The following SLF2 variants were observed in gnomAD, a reference collection of about 807,000 sequenced individuals.
The protein encoded by SLF2 is SMC5-SMC6 complex localization factor protein 2.
A neutral mutation model predicts 124.3 loss-of-function variants in SLF2; 68 were observed. The ratio of observed to expected loss-of-function variants is 0.55; its 90% CI spans 0.45 to 0.67. The LOEUF (loss-of-function observed/expected upper bound fraction) is 0.67. Among genes scored for constraint, SLF2 ranks in the 30% least tolerant of loss-of-function variants. The pLI is 0.00. For synonymous variants in SLF2, 480 were observed against 478.8 expected (o/e 1.00, Z -0.03); for missense variants, 1,246 against 1,373.7 (o/e 0.91, Z 1.47).
At chr10:100,946,395 T>C (rs1850104202) in intron 13 of SLF2, among the ~76,000 whole-genome samples, 2 of 151,564 alleles carry the variant, frequency 1.3e-5, no homozygotes, top group Non-Finnish European at 2.9e-5. Context: ...GGCGCAGTCT[T>C]GTCTCAGTGC....
Position 100,916,469 on chromosome 10 carries a change from CATT to C in SLF2, c.185-99_185-97del, listed in dbSNP as rs1288661790. 1.9e-5 allele frequency: 19 copies of C among 1,014,504 alleles called. No individual in the cohort carries two copies. The South Asian group carries it at 3.0e-4, about 16-fold the overall frequency. 62.8% of individuals were successfully genotyped at this position (1,014,504 alleles called of 1,614,324 possible). ...GTTGGTTTGAAAATTTTTGTGGTAA[CATT>C]AGTATAGTTTAATTTATATTTTAAA... On this transcript the variant is annotated intron_variant, in intron 2 of 19. Transcript: ENST00000238961.
At position 100,932,227 on chromosome 10, in the gene SLF2, C is replaced by T. The variant is rs1158399481; in HGVS notation, c.2436+1149C>T. On this transcript the variant is annotated intron_variant, in intron 9 of 19. Transcript: ENST00000238961. ...CTTGAGACCAGGAGTTTGAGATCAGCCTGGGCAACATAGCAAGACCACATC... is the reference window on the plus strand; with the variant it reads ...CTTGAGACCAGGAGTTTGAGATCAGTCTGGGCAACATAGCAAGACCACATC... Among the ~76,000 whole-genome samples, 4 of 151,532 alleles carry T rather than the reference C, an allele frequency of 2.6e-5. No individual in the cohort carries two copies. The East Asian group carries it at 5.8e-4, about 22-fold the overall frequency.
chr10:100,928,120 AATG>A lies in SLF2; in HGVS notation c.2043-1194_2043-1192del, dbSNP rs150576919. ...GAGAGAGAGAAAAGTTGAGGATCAT[AATG>A]ATCTTAATGAAATTTATGTGACTAA... On this transcript the variant is annotated intron_variant, in intron 6 of 19. Transcript: ENST00000238961. Among the ~76,000 whole-genome samples, 1,029 of 145,196 alleles carry A rather than the reference AATG, an allele frequency of 7.1e-3. 15 individuals are homozygous for A. Among genetic ancestry groups the A allele is most frequent in the African/African-American group, 0.025 (970 of 39,292 alleles).
At chr10:100,950,570 TG>T in intron 16 of SLF2, 105 bp from the exon 17 acceptor site, 2 of 936,758 alleles carry the variant, frequency 2.1e-6, no homozygotes, top group Admixed American at 4.6e-5. Flanking sequence ...TGGGTTAACT[TG>T]ACCGTATCCT....
intron 18 of SLF2, among the ~76,000 whole-genome samples, chr10:100,958,322 C>T (rs1407907300): frequency 6.6e-6 from 1 of 152,126 alleles, no homozygotes; most frequent in Non-Finnish European, 1.5e-5. Flanking sequence ...CAAAAATAAG[C>T]AACTAATGAA....
At position 100,928,037 on chromosome 10, in the gene SLF2, C is replaced by CG. The variant is rs893712906; in HGVS notation, c.2043-1280_2043-1279insG. Among the ~76,000 whole-genome samples, 14 of 40,742 alleles carry CG rather than the reference C, an allele frequency of 3.4e-4. 2 individuals carry two copies. The highest frequency in any genetic ancestry group is 7.5e-4 in the Non-Finnish European group (11 of 14,668). 26.7% of individuals were successfully genotyped at this position (40,742 alleles called of 152,430 possible). On this transcript the variant is annotated intron_variant, in intron 6 of 19. Transcript: ENST00000238961. ...GTTTAGAATTATGATGAACACCCCCCCCCCCCCCCACACACACACACACAC... is the reference window on the plus strand; with the variant it reads ...GTTTAGAATTATGATGAACACCCCCCGCCCCCCCCCACACACACACACACAC...
rs1202954618 is a variant in SLF2, at chr10:100,916,689, A to C, written c.304A>C (p.Lys102Gln). Residue 102 changes from lysine to glutamine, a missense_variant, in exon 3 of 20, where the codon AAA becomes CAA. This residue lies in a region of SLF2 where 698 missense variants were observed against 708.9 expected (regional missense o/e 0.98). Transcript: ENST00000238961. ...ATCCTCACCAAAAGAATCTAAACCC[A>C]AAAGGGTGCCACCAGAAAAGAGCCC... ...KLSSPKESKPKRVPPEKSPII... is the reference protein window; with the variant it reads ...KLSSPKESKPQRVPPEKSPII... 2 of 1,543,598 alleles carry C rather than the reference A, an allele frequency of 1.3e-6. No homozygotes were observed. The highest frequency in any genetic ancestry group is 2.2e-5 in the East Asian group (1 of 44,502).
At chr10:100,958,526 G>T (rs1850372681) in intron 18 of SLF2, among the ~76,000 whole-genome samples, 1 of 152,184 alleles carries the variant, frequency 6.6e-6, no homozygotes, top group Non-Finnish European at 1.5e-5. Flanking sequence ...AAAGACAAGG[G>T]CTTGGCACAG....
intron 17 of SLF2, among the ~76,000 whole-genome samples, chr10:100,955,752 T>C (rs1384605942): frequency 1.3e-5 from 2 of 151,824 alleles, no homozygotes; most frequent in African/African-American, 2.4e-5. Context: ...ACTAAAAATA[T>C]AAAAATTAGC....
intron 4 of SLF2, among the ~76,000 whole-genome samples, chr10:100,918,829 G>T (rs1849471215): frequency 6.6e-6 from 1 of 151,852 alleles, no homozygotes; most frequent in African/African-American, 2.4e-5. Context: ...TCGCCACGTT[G>T]CCCAGGCTGG....
chr10:100,914,348 CA>C lies in SLF2; in HGVS notation c.140+1099del, dbSNP rs1849376452. On this transcript the variant is annotated intron_variant, in intron 1 of 19. Transcript: ENST00000238961. ...AGCCAGTTGTTAAATAAGCAGTGGA[CA>C]TTTTGTGTGCATATGAACTTAGAGA... is the stretch of plus-strand genomic sequence containing the variant. Among the ~76,000 whole-genome samples, 3 of 117,874 alleles carry C rather than the reference CA, an allele frequency of 2.5e-5. No individual in the cohort carries two copies. In the Admixed American group the frequency reaches 2.6e-4, roughly 10 times the overall value. The allele number at this position is 117,874 out of a possible 152,430, so 77.3% of individuals were successfully genotyped here.
intron 12 of SLF2, 79 bp from the exon 13 acceptor site, chr10:100,945,250 CA>C: frequency 8.3e-7 from 1 of 1,208,516 alleles, no homozygotes; most frequent in Non-Finnish European, 1.1e-6. Context: ...CATCTTTTGT[CA>C]AAAAGAGTTT....
At chr10:100,957,574 T>G (rs1386407958) in intron 18 of SLF2, among the ~76,000 whole-genome samples, 1 of 151,180 alleles carries the variant, frequency 6.6e-6, no homozygotes, top group African/African-American at 2.4e-5. Context: ...TTGTCCAGGC[T>G]AGTCTCGAAC....
At chr10:100,947,169 T>G in intron 14 of SLF2, 33 bp downstream of exon 14, 2 of 1,285,338 alleles carry the variant, frequency 1.6e-6, no homozygotes, top group Non-Finnish European at 2.1e-6. Context: ...CATTAAGAAA[T>G]TTTATAATTT....
intron 1 of SLF2, chr10:100,913,529 G>T: frequency 1.6e-6 from 2 of 1,250,844 alleles, no homozygotes; most frequent in Non-Finnish European, 2.0e-6. Context: ...TTTTTCCTTT[G>T]CAAGAGTTTG....
At chr10:100,932,692 A>AGTGTGTGTGTGT (rs111530755) in intron 9 of SLF2, among the ~76,000 whole-genome samples, 1 of 133,540 alleles carries the variant, frequency 7.5e-6, no homozygotes, top group African/African-American at 2.6e-5. Flanking sequence ...ACAAACAATA[A>AGTGTGTGTGTGT]GTGTGTGTGT....
chr10:100,960,222 A>G (rs1850403948), intron 19 of SLF2, among the ~76,000 whole-genome samples: 1 of 152,234 alleles, frequency 6.6e-6, no homozygotes, highest in South Asian at 2.1e-4. Flanking sequence ...TACAAATAAT[A>G]TTTCCATGAA....
In SLF2 at chr10:100,916,615, G is replaced by A; in HGVS notation, c.230G>A (p.Gly77Glu). Reference sequence around the variant, plus strand: ...CCACAAAAATCAAACATCAAATATGGAGGAAGTAGATTGTCTATCACTGGG... The same window carrying A: ...CCACAAAAATCAAACATCAAATATGAAGGAAGTAGATTGTCTATCACTGGG... Reference protein sequence around the residue: ...DSPQKSNIKYGGSRLSITGTE... With the variant: ...DSPQKSNIKYEGSRLSITGTE... The change falls in exon 3 of 20, where the codon GGA becomes GAA. Residue 77 changes from glycine to glutamate, a missense_variant. Coordinates refer to ENST00000238961, the MANE Select transcript of SLF2 (RefSeq NM_018121.4). The A allele has an allele frequency of 1.4e-6, 2 of 1,434,468 alleles. No individual in the cohort carries two copies. The highest frequency in any genetic ancestry group is 1.8e-6 in the Non-Finnish European group (2 of 1,091,654). The allele number at this position is 1,434,468 out of a possible 1,614,324, so 88.9% of individuals were successfully genotyped here. A position where few individuals can be genotyped will look rare whatever the true frequency, so the allele number is the denominator to read the frequency against.
At chr10:100,925,015 G>T (rs1312958958) in intron 5 of SLF2, 43 bp downstream of exon 5, 1 of 1,538,564 alleles carries the variant, frequency 6.5e-7, no homozygotes, top group Non-Finnish European at 8.7e-7. Context: ...AAGAGGGAAA[G>T]ATGATTAATT....
Sources: allele counts gnomAD v4.1 joint callset (sites outside exome capture counted in the v4.1 genomes callset), GRCh38; gene constraint gnomAD v4.1.1; regional missense constraint gnomAD v4.1.1; transcripts MANE v1.5; gene names NCBI Gene and HGNC (gene_info 2026-07-23, HGNC 2026-07-21).